The following TMEM132B variants were observed in gnomAD, a reference collection of about 807,000 sequenced individuals.
TMEM132B encodes transmembrane protein 132B.
A neutral mutation model predicts 90.8 loss-of-function variants in TMEM132B; 18 were observed. That is an observed-to-expected ratio of 0.20 (90% CI 0.14 to 0.29). The LOEUF (loss-of-function observed/expected upper bound fraction) is 0.29. Among genes scored for constraint, TMEM132B ranks in the 10% least tolerant of loss-of-function variants. The pLI, the probability that TMEM132B is intolerant of heterozygous loss-of-function variation, is 1.00. For missense variants in TMEM132B, 1,096 were observed against 1,326.8 expected, an observed-to-expected ratio of 0.83 and a Z score of 2.70; for synonymous variants, 504 against 523.3, an observed-to-expected ratio of 0.96 and a Z score of 0.50.
At chr12:125,357,972 G>T (rs1369834719) in intron 2 of TMEM132B, among the ~76,000 whole-genome samples, 1 of 152,214 alleles carries the variant, frequency 6.6e-6, no homozygotes, top group Non-Finnish European at 1.5e-5. Context: ...TCTGTTGGGT[G>T]CGTTCTCCCG....
chr12:125,435,401 C>G (rs1880670642), intron 3 of TMEM132B, among the ~76,000 whole-genome samples: 1 of 152,078 alleles, frequency 6.6e-6, no homozygotes, highest in Admixed American at 6.5e-5. Context: ...CTCAGACCTA[C>G]CCACCCGGGG....
chr12:125,462,821 C>G (rs1881474509), intron 3 of TMEM132B, among the ~76,000 whole-genome samples: 1 of 152,216 alleles, frequency 6.6e-6, no homozygotes, highest in African/African-American at 2.4e-5. Context: ...AAGCAGCAAC[C>G]TGTGAACTTT....
intron 3 of TMEM132B, among the ~76,000 whole-genome samples, chr12:125,472,809 C>T (rs116103361): frequency 0.024 from 3,622 of 152,256 alleles, 152 homozygotes; most frequent in African/African-American, 0.083. Flanking sequence ...TGATCTTGGA[C>T]TTCCCAGCCT....
chr12:125,194,245 G>A (rs1015447409), intron 1 of TMEM132B, among the ~76,000 whole-genome samples: 4 of 149,296 alleles, frequency 2.7e-5, no homozygotes, highest in Admixed American at 6.7e-5. Context: ...TCGGTGCTCC[G>A]AGCCTGGTCT....
chr12:125,470,539 A>G (rs565900223), intron 3 of TMEM132B, among the ~76,000 whole-genome samples: 2 of 152,304 alleles, frequency 1.3e-5, no homozygotes, highest in African/African-American at 4.8e-5. Context: ...TCTTTGTTTA[A>G]CCGAGGCTTT....
chr12:125,397,234 G>A (rs964109319), intron 2 of TMEM132B, among the ~76,000 whole-genome samples: 1 of 152,172 alleles, frequency 6.6e-6, no homozygotes, highest in African/African-American at 2.4e-5. Context: ...GCCTCCAGAA[G>A]TGCTGGGATT....
In TMEM132B at chr12:125,659,011, G is replaced by A. The variant is rs189516247; in HGVS notation, c.*4301G>A. On this transcript the variant is annotated 3_prime_UTR_variant, in exon 9 of 9. Coordinates refer to ENST00000682704, the MANE Select transcript of TMEM132B (RefSeq NM_001366854.1). ...TATTCTAACCACAGGGTAACACATCGTTTTTAACATGAAAATAAACATTTA... is the reference window on the plus strand; with the variant it reads ...TATTCTAACCACAGGGTAACACATCATTTTTAACATGAAAATAAACATTTA... 1.8e-4 allele frequency: 27 copies of A among 151,950 alleles called. No individual in the cohort carries two copies. The highest frequency in any genetic ancestry group is 2.8e-4 in the Non-Finnish European group (19 of 67,934). The allele number at this position is 151,950 out of a possible 1,614,324, so 9.4% of individuals were successfully genotyped here.
intron 3 of TMEM132B, among the ~76,000 whole-genome samples, chr12:125,516,090 C>T (rs1445180265): frequency 1.3e-5 from 2 of 151,816 alleles, no homozygotes; most frequent in Admixed American, 6.6e-5. Context: ...CGCTATCTCA[C>T]ACACACTAAC....
At chr12:125,449,758 A>G (rs536854919) in intron 3 of TMEM132B, among the ~76,000 whole-genome samples, 7 of 152,230 alleles carry the variant, frequency 4.6e-5, no homozygotes, top group Middle Eastern at 3.4e-3. Context: ...AAGTATCAGT[A>G]GGTTAGAGTG....
At chr12:125,436,172 A>G (rs1284549594) in intron 3 of TMEM132B, among the ~76,000 whole-genome samples, 1 of 152,190 alleles carries the variant, frequency 6.6e-6, no homozygotes, top group African/African-American at 2.4e-5. Context: ...TCTGAACTGC[A>G]TTCTCAGCTA....
At chr12:125,399,794 G>T (rs1879264322) in intron 2 of TMEM132B, among the ~76,000 whole-genome samples, 1 of 152,164 alleles carries the variant, frequency 6.6e-6, no homozygotes, top group African/African-American at 2.4e-5. Flanking sequence ...GTTTGAGATT[G>T]GCTAAGCGTC....
chr12:125,533,673 C>CCTCCT (rs144900556), intron 4 of TMEM132B, among the ~76,000 whole-genome samples: 1 of 152,148 alleles, frequency 6.6e-6, no homozygotes. Context: ...CGCGCCCTCC[C>CCTCCT]CTCCCCGGCG....
intron 5 of TMEM132B, among the ~76,000 whole-genome samples, chr12:125,603,781 C>T (rs1885623872): frequency 6.6e-6 from 1 of 152,106 alleles, no homozygotes; most frequent in Non-Finnish European, 1.5e-5. Context: ...GAAAAGTGGG[C>T]AAAGGATATG....
At chr12:125,520,610 C>T (rs1883284043) in intron 4 of TMEM132B, among the ~76,000 whole-genome samples, 1 of 152,174 alleles carries the variant, frequency 6.6e-6, no homozygotes, top group Non-Finnish European at 1.5e-5. Flanking sequence ...AGGGAGTCAC[C>T]TTCTCTGACC....
chr12:125,363,410 G>A (rs1878022442), intron 2 of TMEM132B, among the ~76,000 whole-genome samples: 1 of 152,116 alleles, frequency 6.6e-6, no homozygotes, highest in Admixed American at 6.5e-5. Context: ...CACCTTTATG[G>A]CTTTGCATGA....
intron 2 of TMEM132B, among the ~76,000 whole-genome samples, chr12:125,364,434 CTT>C (rs1878062634): frequency 6.6e-6 from 1 of 152,164 alleles, no homozygotes; most frequent in Non-Finnish European, 1.5e-5. Context: ...CAATCTATCT[CTT>C]CATCCATCAA....
At chr12:125,585,913 G>A (rs1885169126) in intron 5 of TMEM132B, 1 of 152,182 alleles carries the variant, frequency 6.6e-6, no homozygotes, top group African/African-American at 2.4e-5. Context: ...GGGGATTCCA[G>A]GACTGTTGCA....
intron 1 of TMEM132B, among the ~76,000 whole-genome samples, chr12:125,325,017 A>C (rs77549682): frequency 5.8e-4 from 88 of 152,298 alleles, no homozygotes; most frequent in African/African-American, 2.0e-3. Flanking sequence ...CCTGCAACGC[A>C]AAACAGAGAG....
chr12:125,350,736 G>T (rs1449781361), intron 2 of TMEM132B, among the ~76,000 whole-genome samples: 1 of 152,244 alleles, frequency 6.6e-6, no homozygotes, highest in Non-Finnish European at 1.5e-5. Flanking sequence ...CTTTGCTGAT[G>T]ATTCTGTTTC....
Sources: gnomAD v4.1 joint callset for allele counts (sites outside exome capture counted in the v4.1 genomes callset) on GRCh38, gnomAD v4.1.1 for gene constraint, MANE v1.5 for transcripts, NCBI Gene and HGNC (gene_info 2026-07-23, HGNC 2026-07-21) for gene names.